The following CACNB2 variants were observed in gnomAD, a reference collection of about 807,000 sequenced individuals.
The protein encoded by CACNB2 is voltage-dependent L-type calcium channel subunit beta-2.
In CACNB2, 42 loss-of-function variants were observed where a neutral mutation model predicts 73.3. That is an observed-to-expected ratio of 0.57 (90% CI 0.45 to 0.74). CACNB2 has a LOEUF of 0.74. CACNB2 is among the 30% of genes least tolerant of loss of function. CACNB2 has a pLI of 0.00. For synonymous variants in CACNB2, 348 were observed against 310.3 expected (o/e 1.12, Z -1.28); for missense variants, 940 against 853.0 (o/e 1.10, Z -1.27).
chr10:18,408,231 CTTTTTTTTTTTT>C (rs71402161), intron 3 of CACNB2, among the ~76,000 whole-genome samples: 37 of 77,994 alleles, frequency 4.7e-4, no homozygotes, highest in African/African-American at 1.8e-3. Flanking sequence ...CTATCCCTGA[CTTTTTTTTTTTT>C]TTTTTTTTTT....
At chr10:18,187,597 C>A (rs1222955037) in intron 2 of CACNB2, among the ~76,000 whole-genome samples, 2 of 151,552 alleles carry the variant, frequency 1.3e-5, no homozygotes, top group African/African-American at 2.4e-5. Flanking sequence ...TTTTTTTTAA[C>A]TATCATCTAG....
rs555545737 is a variant in CACNB2, at chr10:18,283,351, C to T, written c.214-118573C>T. 2.4e-4 allele frequency among the ~76,000 whole-genome samples: 37 copies of T among 152,160 alleles called. 1 individual carries two copies. The highest frequency in any genetic ancestry group is 1.2e-3 in the South Asian group (6 of 4,810). On this transcript the variant is annotated intron_variant, in intron 2 of 13. Coordinates refer to ENST00000324631, the MANE Select transcript of CACNB2 (RefSeq NM_201596.3). ...ACCCAAAGGATTATACGTCATGCTG[C>T]GATAAAGACACATGCACAGGTATAT...
intron 3 of CACNB2, among the ~76,000 whole-genome samples, chr10:18,439,197 G>T (rs938033328): frequency 1.3e-5 from 2 of 152,170 alleles, no homozygotes; most frequent in Non-Finnish European, 2.9e-5. Context: ...CAAAGAAAAG[G>T]GTGTCTGCAT....
chr10:18,225,798 C>A (rs1031699307), intron 2 of CACNB2, among the ~76,000 whole-genome samples: 3 of 151,910 alleles, frequency 2.0e-5, no homozygotes, highest in Admixed American at 2.0e-4. Context: ...CACCATCACA[C>A]CTGGATAAGT....
intron 3 of CACNB2, among the ~76,000 whole-genome samples, chr10:18,498,019 T>A (rs926585654): frequency 1.3e-5 from 2 of 152,190 alleles, no homozygotes; most frequent in African/African-American, 4.8e-5. Context: ...GAACTGGGGA[T>A]TTTATTCATG....
intron 3 of CACNB2, among the ~76,000 whole-genome samples, chr10:18,409,551 C>T (rs919781954): frequency 6.6e-6 from 1 of 152,202 alleles, no homozygotes; most frequent in Non-Finnish European, 1.5e-5. Context: ...AAAGGCCATC[C>T]GCTGGGCTGA....
At chr10:18,360,124 T>C (rs1037274072) in intron 2 of CACNB2, among the ~76,000 whole-genome samples, 1 of 152,190 alleles carries the variant, frequency 6.6e-6, no homozygotes, top group Non-Finnish European at 1.5e-5. Context: ...AACAGGGGAA[T>C]GAACTTTGAA....
chr10:18,427,730 A>T (rs1280908638), intron 3 of CACNB2, among the ~76,000 whole-genome samples: 1 of 151,892 alleles, frequency 6.6e-6, no homozygotes, highest in Non-Finnish European at 1.5e-5. Flanking sequence ...TTCTTTTTCT[A>T]TCTCATCTAG....
chr10:18,295,367 A>G (rs1020170712), intron 2 of CACNB2, among the ~76,000 whole-genome samples: 11 of 152,340 alleles, frequency 7.2e-5, no homozygotes, highest in African/African-American at 2.4e-4. Flanking sequence ...ACCTGACTTT[A>G]TACCACACTA....
At chr10:18,360,176 T>C (rs1368039792) in intron 2 of CACNB2, among the ~76,000 whole-genome samples, 1 of 152,168 alleles carries the variant, frequency 6.6e-6, no homozygotes. Context: ...CAGAAATAGG[T>C]GCTGCCTCCT....
chr10:18,500,504 G>C (rs912564881), intron 4 of CACNB2, among the ~76,000 whole-genome samples: 1 of 152,116 alleles, frequency 6.6e-6, no homozygotes, highest in African/African-American at 2.4e-5. Context: ...TGGTAGGATG[G>C]GCTGTTATTC....
intron 9 of CACNB2, among the ~76,000 whole-genome samples, chr10:18,525,024 C>T (rs1437222415): frequency 2.6e-5 from 3 of 116,398 alleles, no homozygotes; most frequent in Admixed American, 2.1e-4. Flanking sequence ...CAGTGAGATG[C>T]TGTCTAAAAA....
chr10:18,363,947 TA>T (rs1016297576), intron 2 of CACNB2, among the ~76,000 whole-genome samples: 1 of 141,526 alleles, frequency 7.1e-6, no homozygotes, highest in African/African-American at 2.6e-5. Context: ...GAAGGCAGTT[TA>T]ATTTTTTTTT....
intron 6 of CACNB2, among the ~76,000 whole-genome samples, chr10:18,508,770 G>A (rs1023524159): frequency 2.6e-5 from 4 of 152,134 alleles, no homozygotes; most frequent in Non-Finnish European, 5.9e-5. Context: ...TCAAACCATC[G>A]TAAAGTTCAG....
At chr10:18,494,445 C>T (rs187660699) in intron 3 of CACNB2, among the ~76,000 whole-genome samples, 7 of 151,882 alleles carry the variant, frequency 4.6e-5, no homozygotes, top group African/African-American at 7.2e-5. Flanking sequence ...CTGGCTAACA[C>T]GGTGAAACCC....
chr10:18,178,470 C>T (rs2033713945), intron 2 of CACNB2, among the ~76,000 whole-genome samples: 1 of 152,146 alleles, frequency 6.6e-6, no homozygotes, highest in Non-Finnish European at 1.5e-5. Context: ...AGAGATTAAT[C>T]AGATAGAGGT....
chr10:18,338,710 C>T (rs2041106611), intron 2 of CACNB2, among the ~76,000 whole-genome samples: 1 of 144,202 alleles, frequency 6.9e-6, no homozygotes, highest in African/African-American at 2.6e-5. Flanking sequence ...TCCTGACTTC[C>T]TGCCTTCCTG....
intron 1 of CACNB2, among the ~76,000 whole-genome samples, chr10:18,142,944 G>C (rs118117346): frequency 3.9e-5 from 6 of 152,310 alleles, no homozygotes; most frequent in Admixed American, 1.3e-4. Context: ...TGATGAGGTG[G>C]CATTTGCAAA....
chr10:18,269,942 T>G (rs1481796980), intron 2 of CACNB2, among the ~76,000 whole-genome samples: 1 of 152,226 alleles, frequency 6.6e-6, no homozygotes, highest in Admixed American at 6.5e-5. Context: ...CTGGAATCTT[T>G]TCTTTCTATT....
Sources: gnomAD v4.1 joint callset for allele counts (sites outside exome capture counted in the v4.1 genomes callset) on GRCh38, gnomAD v4.1.1 for gene constraint, MANE v1.5 for transcripts, NCBI Gene and HGNC (gene_info 2026-07-23, HGNC 2026-07-21) for gene names.